The following TINAG variants were observed in gnomAD, a reference collection of about 807,000 sequenced individuals.
TINAG encodes the protein tubulointerstitial nephritis antigen.
In TINAG, 83 loss-of-function variants were observed where a neutral mutation model predicts 72.7. The ratio of observed to expected loss-of-function variants is 1.14; its 90% CI spans 0.96 to 1.37. TINAG has a LOEUF of 1.37. TINAG is among the 40% of genes most tolerant of loss of function. The pLI is 0.00. For missense variants in TINAG, 685 were observed against 576.6 expected (o/e 1.19, Z -1.93); for synonymous variants, 234 against 189.9 (o/e 1.23, Z -1.91).
In TINAG at chr6:54,320,605, G is replaced by T; in HGVS notation, c.382G>T (p.Glu128Ter). 6.2e-7 allele frequency: 1 copy of T among 1,608,300 alleles called. No individual in the cohort carries two copies. The highest frequency in any genetic ancestry group is 8.5e-7 in the Non-Finnish European group (1 of 1,177,122). ...EGCFKDGQHYEEGSVIKENCN... is the reference protein window; with the variant it reads ...EGCFKDGQHY The stretch of plus-strand genomic sequence containing the variant: ...TTGCTTCAAAGATGGTCAACATTAT[G>T]AAGAGGGATCAGTAATTAAAGAAAA... Residue 128 changes from glutamate to a stop codon, truncating the protein, a stop_gained, in exon 2 of 11, where the codon GAA (glutamate) becomes TAA (stop). Transcript: ENST00000259782. LOFTEE classifies it high-confidence loss of function.
At position 54,374,171 on chromosome 6, in the gene TINAG, T is replaced by C. The variant is rs150302413; in HGVS notation, c.1251-6355T>C. Among the ~76,000 whole-genome samples, 1,285 of 152,234 alleles carry C rather than the reference T, an allele frequency of 8.4e-3. 5 individuals carry two copies. The highest frequency in any genetic ancestry group is 0.014 in the Non-Finnish European group (969 of 67,976). Reference sequence around the variant, plus strand: ...TCTTGCTTCCTGATACATCAGGATATAAGGAATATGGTAGGCATTGTATAA... The same window carrying C: ...TCTTGCTTCCTGATACATCAGGATACAAGGAATATGGTAGGCATTGTATAA... On this transcript the variant is annotated intron_variant, in intron 9 of 10. Coordinates refer to ENST00000259782, the MANE Select transcript of TINAG (RefSeq NM_014464.4).
intron 10 of TINAG, among the ~76,000 whole-genome samples, chr6:54,389,256 C>G (rs1341204794): frequency 3.9e-5 from 6 of 152,150 alleles, no homozygotes; most frequent in Non-Finnish European, 8.8e-5. Context: ...GATTCTCAGG[C>G]TTTAATATGC....
rs770096004 is a variant in TINAG, at chr6:54,320,619, A to T, written c.396A>T (p.Val132=). The change falls in exon 2 of 11, where the codon GTA becomes GTT. Residue 132 remains valine, a synonymous_variant. Transcript: ENST00000259782. ...KDGQHYEEGS[V]IKENCNSCTC... ...GTCAACATTATGAAGAGGGATCAGT[A>T]ATTAAAGAAAACTGCAACTCCTGGT... 9 of 1,609,066 alleles carry T rather than the reference A, an allele frequency of 5.6e-6. No homozygotes were observed. The highest frequency in any genetic ancestry group is 7.6e-6 in the Non-Finnish European group (9 of 1,177,478).
At chr6:54,368,823 A>G (rs1246139253) in intron 9 of TINAG, among the ~76,000 whole-genome samples, 2 of 151,712 alleles carry the variant, frequency 1.3e-5, no homozygotes, top group Non-Finnish European at 2.9e-5. Flanking sequence ...TTTACTTTTT[A>G]AAAACTACTA....
chr6:54,362,162 T>G (rs1475399642), intron 9 of TINAG, among the ~76,000 whole-genome samples: 1 of 151,704 alleles, frequency 6.6e-6, no homozygotes, highest in East Asian at 1.9e-4. Flanking sequence ...AGACTTTCAA[T>G]GTGGGTGAAA....
intron 4 of TINAG, among the ~76,000 whole-genome samples, chr6:54,332,689 G>A (rs911146442): frequency 3.3e-5 from 5 of 152,106 alleles, no homozygotes; most frequent in Admixed American, 2.6e-4. Context: ...GCAACCTACA[G>A]AATGGGAGAA....
intron 10 of TINAG, among the ~76,000 whole-genome samples, chr6:54,381,146 G>A (rs1311962826): frequency 6.7e-6 from 1 of 148,594 alleles, no homozygotes; most frequent in Non-Finnish European, 1.5e-5. Context: ...ACACATATGT[G>A]TATATATATC....
At position 54,321,447 on chromosome 6, in the gene TINAG, G is replaced by A. The variant is rs1784488634; in HGVS notation, c.509+61G>A. On this transcript the variant is annotated intron_variant, in intron 3 of 10. Transcript: ENST00000259782. ...TGCCATTTACTATGCAGGTTTCAAT[G>A]TATTGCTTGGTTTCTATAAATGGTC... 6 of 1,139,904 alleles carry A rather than the reference G, an allele frequency of 5.3e-6. No homozygotes were observed. The South Asian group carries it at 6.4e-5, about 12-fold the overall frequency. 70.6% of individuals were successfully genotyped at this position (1,139,904 alleles called of 1,614,324 possible).
chr6:54,360,536 C>A (rs1763194473), intron 9 of TINAG, among the ~76,000 whole-genome samples: 1 of 151,582 alleles, frequency 6.6e-6, no homozygotes, highest in Admixed American at 6.6e-5. Context: ...CATCTCCATG[C>A]CCATTAGAAT....
intron 4 of TINAG, among the ~76,000 whole-genome samples, chr6:54,334,856 G>C (rs1216399697): frequency 6.6e-6 from 1 of 152,136 alleles, no homozygotes; most frequent in African/African-American, 2.4e-5. Context: ...GAAATGTTCA[G>C]CTTTGATATA....
intron 9 of TINAG, among the ~76,000 whole-genome samples, chr6:54,378,604 G>A (rs9367570): frequency 0.39 from 59,147 of 152,012 alleles, 13,531 homozygotes; most frequent in Middle Eastern, 0.55. Context: ...AAAAGTAATA[G>A]TTCGTATTTC....
Position 54,353,373 on chromosome 6 carries a change from C to T in TINAG, c.1127-1140C>T, listed in dbSNP as rs17681561. ...CTATAAATGTTACAGGATTGCCTGG[C>T]CTGGCATACGGCATTTCCCCTGTCT... On this transcript the variant is annotated intron_variant, in intron 8 of 10. Coordinates refer to ENST00000259782, the MANE Select transcript of TINAG (RefSeq NM_014464.4). Among the ~76,000 whole-genome samples the T allele has an allele frequency of 7.8e-3, 1,188 of 151,852 alleles. 1 individual carries two copies. The highest frequency in any genetic ancestry group is 0.012 in the Non-Finnish European group (792 of 67,818).
chr6:54,382,690 C>G (rs1763986890), intron 10 of TINAG, among the ~76,000 whole-genome samples: 1 of 152,034 alleles, frequency 6.6e-6, no homozygotes. Context: ...ACCAGAGTAA[C>G]ATAGCAGCAT....
chr6:54,326,697 TTGC>T, intron 3 of TINAG, 102 bp from the exon 4 acceptor site: 1 of 718,228 alleles, frequency 1.4e-6, no homozygotes. Context: ...ATTGTGAGAT[TTGC>T]TGCTATTAAA....
At chr6:54,312,043 CTTT>C (rs888737025) in intron 1 of TINAG, among the ~76,000 whole-genome samples, 11 of 150,752 alleles carry the variant, frequency 7.3e-5, no homozygotes, top group Admixed American at 4.0e-4. Flanking sequence ...TTTTGTATTG[CTTT>C]TTTTTTGTTT....
chr6:54,314,543 A>T (rs1019962653), intron 1 of TINAG, among the ~76,000 whole-genome samples: 7 of 151,918 alleles, frequency 4.6e-5, no homozygotes, highest in Non-Finnish European at 8.8e-5. Context: ...TTCTGTTACA[A>T]AAAAAAAGAG....
chr6:54,322,278 A>AG (rs1239177467), intron 3 of TINAG, among the ~76,000 whole-genome samples: 2 of 152,260 alleles, frequency 1.3e-5, no homozygotes, highest in East Asian at 3.9e-4. Flanking sequence ...ACTGCACTCC[A>AG]GCATGGGAAT....
At chr6:54,382,019 A>T (rs988234528) in intron 10 of TINAG, among the ~76,000 whole-genome samples, 8 of 152,102 alleles carry the variant, frequency 5.3e-5, no homozygotes, top group Non-Finnish European at 1.2e-4. Flanking sequence ...ACACACATAC[A>T]CATACGCTGA....
chr6:54,354,729 T>C (rs1171340730), intron 9 of TINAG, 93 bp downstream of exon 9: 1 of 1,305,978 alleles, frequency 7.7e-7, no homozygotes, highest in Non-Finnish European at 1.0e-6. Flanking sequence ...ATCCCCTTTG[T>C]AGGAGAGATT....
Sources: gnomAD v4.1 joint callset for allele counts (sites outside exome capture counted in the v4.1 genomes callset) on GRCh38, gnomAD v4.1.1 for gene constraint, MANE v1.5 for transcripts, NCBI Gene and HGNC (gene_info 2026-07-23, HGNC 2026-07-21) for gene names.